RAB19: variants seen among roughly 807,000 people sequenced by gnomAD.
RAB19 encodes ras-related protein Rab-19.
In RAB19, 21 loss-of-function variants were observed where a neutral mutation model predicts 17.3. The observed-to-expected ratio is 1.21, with a 90% CI of 0.86 to 1.74. RAB19 has a LOEUF of 1.74. RAB19 is among the 40% of genes most tolerant of loss of function. RAB19 has a pLI of 0.00. For missense variants in RAB19, 277 were observed against 286.8 expected, an observed-to-expected ratio of 0.97 and a Z score of 0.25; for synonymous variants, 126 against 110.4, an observed-to-expected ratio of 1.14 and a Z score of -0.88.
At chr7:140,415,723 C>A (rs1035588545) in intron 3 of RAB19, among the ~76,000 whole-genome samples, 1 of 151,620 alleles carries the variant, frequency 6.6e-6, no homozygotes, top group Admixed American at 6.6e-5. Flanking sequence ...GAGGCCAAGG[C>A]GGGCGGATTA....
chr7:140,426,244 A>T lies in RAB19; in HGVS notation c.*94A>T, dbSNP rs1040540718. ...TAGTGTTGCCCCAGTGGCGCTTTAG[A>T]CCCCAGCGTGGACTTGCCGCTCACC... On this transcript the variant is annotated 3_prime_UTR_variant, in exon 4 of 4. Coordinates refer to ENST00000537763, the MANE Select transcript of RAB19 (RefSeq NM_001008749.3). 21 of 1,452,312 alleles carry T rather than the reference A, an allele frequency of 1.4e-5. No homozygotes were observed. Among genetic ancestry groups the T allele is most frequent in the Middle Eastern group, 2.4e-4 (1 of 4,086 alleles). 90.0% of individuals were successfully genotyped at this position (1,452,312 alleles called of 1,614,324 possible).
intron 3 of RAB19, among the ~76,000 whole-genome samples, chr7:140,424,691 C>CTA (rs10638905): frequency 0.62 from 86,903 of 139,192 alleles, 27,224 homozygotes; most frequent in African/African-American, 0.75. Flanking sequence ...ATACACATAT[C>CTA]TATATATACA....
At position 140,407,642 on chromosome 7, in the gene RAB19, G is replaced by A; in HGVS notation, c.-5G>A. ...TTCCTAGTTCTGTTCTAGGTGGCAA[G>A]AACCATGCACTTCTCCAGCTCAGCC... is the stretch of plus-strand genomic sequence containing the variant. On this transcript the variant is annotated 5_prime_UTR_variant, in exon 2 of 4. Transcript: ENST00000537763. 1.2e-6 allele frequency: 2 copies of A among 1,614,052 alleles called. No homozygotes were observed. Among genetic ancestry groups the A allele is most frequent in the South Asian group, 1.1e-5 (1 of 91,072 alleles).
chr7:140,423,340 T>C (rs1799595184), intron 3 of RAB19, among the ~76,000 whole-genome samples: 1 of 151,186 alleles, frequency 6.6e-6, no homozygotes. Context: ...CTCAGGAGAC[T>C]GAGGCAGGAG....
At chr7:140,407,946 GCTCCGCCTCCCGGGTTCATGCCATT>G (rs1799279594) in intron 2 of RAB19, 99 bp downstream of exon 2, 1 of 942,076 alleles carries the variant, frequency 1.1e-6, no homozygotes, top group South Asian at 1.7e-5. Flanking sequence ...CTCACTGCAA[GCTCCGCCTCCCGGGTTCATGCCATT>G]CTCCTGCCTC....
chr7:140,424,615 CTCTCTATA>C lies in RAB19; in HGVS notation c.386-1265_386-1258del, dbSNP rs1354923114. ...TCTCTCTCTCTCTCTCTCTCTCTCTCTCTCTATATATATATATATATATATGTGTGTGT... is the reference window on the plus strand; with the variant it reads ...TCTCTCTCTCTCTCTCTCTCTCTCTCTATATATATATATATATGTGTGTGT... On this transcript the variant is annotated intron_variant, in intron 3 of 3. Coordinates refer to ENST00000537763, the MANE Select transcript of RAB19 (RefSeq NM_001008749.3). Among the ~76,000 whole-genome samples the C allele has an allele frequency of 9.7e-5, 7 of 72,454 alleles. No homozygotes were observed. The East Asian group carries it at 1.4e-3, about 15-fold the overall frequency. 47.5% of individuals were successfully genotyped at this position (72,454 alleles called of 152,430 possible).
rs1799672560 is a variant in RAB19, at chr7:140,426,365, C to T, written c.*215C>T. 3 of 559,678 alleles carry T rather than the reference C, an allele frequency of 5.4e-6. No individual in the cohort carries two copies. The highest frequency in any genetic ancestry group is 9.3e-6 in the Non-Finnish European group (3 of 323,720). The allele number at this position is 559,678 out of a possible 1,614,324, so 34.7% of individuals were successfully genotyped here. On this transcript the variant is annotated 3_prime_UTR_variant, in exon 4 of 4. Transcript: ENST00000537763. ...TCAGGAAAACCAGCACCATTGTTTT[C>T]ACTGACTCTTGACTCCTGGAGAAGG...
At chr7:140,422,593 T>C (rs1799580475) in intron 3 of RAB19, among the ~76,000 whole-genome samples, 1 of 150,790 alleles carries the variant, frequency 6.6e-6, no homozygotes, top group Non-Finnish European at 1.5e-5. Context: ...TATTACATTT[T>C]CATAGGCCAA....
At position 140,407,859 on chromosome 7, in the gene RAB19, C is replaced by A; in HGVS notation, c.201+12C>A. On this transcript the variant is annotated intron_variant, in intron 2 of 3. Transcript: ENST00000537763. The stretch of plus-strand genomic sequence containing the variant: ...GCAAAAAAGTGAAGGTCAGAGGGCA[C>A]CGGGACGGGACTGGTTCCACCTTTT... The A allele has an allele frequency of 6.6e-7, 1 of 1,524,078 alleles. No homozygotes were observed. The highest frequency in any genetic ancestry group is 9.1e-7 in the Non-Finnish European group (1 of 1,102,200). The allele number at this position is 1,524,078 out of a possible 1,614,324, so 94.4% of individuals were successfully genotyped here.
chr7:140,405,290 G>A (rs775559410), intron 1 of RAB19, among the ~76,000 whole-genome samples: 2 of 151,998 alleles, frequency 1.3e-5, no homozygotes, highest in African/African-American at 2.4e-5. Flanking sequence ...GTGCGATCTC[G>A]GCTCACTGCA....
At chr7:140,411,002 C>G in intron 2 of RAB19, 2 of 1,367,768 alleles carry the variant, frequency 1.5e-6, no homozygotes, top group Non-Finnish European at 2.0e-6. Context: ...TCACCTTTGC[C>G]AGTATTCAGA....
At chr7:140,410,313 C>CTTTTTTTTTTTTTTTT (rs762151021) in intron 2 of RAB19, among the ~76,000 whole-genome samples, 9 of 81,038 alleles carry the variant, frequency 1.1e-4, no homozygotes, top group East Asian at 4.3e-4. Flanking sequence ...TTGTATTTTT[C>CTTTTTTTTTTTTTTTT]TTTTTTTTTT....
At chr7:140,409,612 T>TA (rs759553449) in intron 2 of RAB19, among the ~76,000 whole-genome samples, 1 of 150,842 alleles carries the variant, frequency 6.6e-6, no homozygotes, top group Non-Finnish European at 1.5e-5. Context: ...GCATGAAAAT[T>TA]ACTTGAACCC....
chr7:140,413,831 A>G (rs1799409314), intron 3 of RAB19, among the ~76,000 whole-genome samples: 1 of 152,206 alleles, frequency 6.6e-6, no homozygotes, highest in South Asian at 2.1e-4. Flanking sequence ...CTCCAGGGAC[A>G]AAAGGAAACC....
chr7:140,425,855 G>A (rs1799656137), intron 3 of RAB19, 27 bp from the exon 4 acceptor site: 1 of 1,587,346 alleles, frequency 6.3e-7, no homozygotes, highest in Non-Finnish European at 8.6e-7. Context: ...TTACTCAATG[G>A]AATATCGGCT....
At chr7:140,406,591 A>G (rs1013587762) in intron 1 of RAB19, among the ~76,000 whole-genome samples, 2 of 151,706 alleles carry the variant, frequency 1.3e-5, no homozygotes, top group Admixed American at 6.6e-5. Context: ...GTGAGCTGAG[A>G]TCATGCCATT....
rs1799692897 is a variant in RAB19 at position 140,427,605 on chromosome 7, CCACGCCTAG to C, written c.*1457_*1465del. ...TAGCTGGGATTACAGCCTCCCGCCA[CCACGCCTAG>C]CTAATTTTTGTGTTTTTAGTAGAGG... On this transcript the variant is annotated 3_prime_UTR_variant, in exon 4 of 4. Transcript: ENST00000537763. Among the ~76,000 whole-genome samples the C allele has an allele frequency of 6.6e-6, 1 of 151,548 alleles. No homozygotes were observed. Among genetic ancestry groups the C allele is most frequent in the South Asian group, 2.1e-4 (1 of 4,804 alleles).
chr7:140,419,068 TTTG>T (rs1799513206), intron 3 of RAB19, among the ~76,000 whole-genome samples: 1 of 92,252 alleles, frequency 1.1e-5, no homozygotes, highest in Non-Finnish European at 1.9e-5. Flanking sequence ...TGTTTTGTGG[TTTG>T]TTTTTTTTTT....
rs1403756604 is a variant in RAB19 at position 140,407,773 on chromosome 7, A to T, written c.127A>T (p.Thr43Ser). The change falls in exon 2 of 4, where the codon ACT becomes TCT. Residue 43 changes from threonine to serine, a missense_variant. Physicochemically the swap from Thr to Ser is moderately conservative, Grantham distance 58. Transcript: ENST00000537763. The part of the protein sequence containing the change: ...VVQHFKSGVY[T>S]ETQQNTIGVD... ...GCAGCATTTCAAGTCTGGAGTCTAC[A>T]CTGAGACACAGCAGAACACGATTGG... 10 of 1,613,762 alleles carry T rather than the reference A, an allele frequency of 6.2e-6. No homozygotes were observed. The highest frequency in any genetic ancestry group is 1.6e-4 in the Middle Eastern group (1 of 6,062).
Sources: gnomAD v4.1 joint callset for allele counts (sites outside exome capture counted in the v4.1 genomes callset) on GRCh38, gnomAD v4.1.1 for gene constraint, MANE v1.5 for transcripts, NCBI Gene and HGNC (gene_info 2026-07-23, HGNC 2026-07-21) for gene names.